MVB12B: variants seen among roughly 807,000 people sequenced by gnomAD.
MVB12B encodes the protein multivesicular body subunit 12B, also known as ESCRT-I complex subunit MVB12B.
MVB12B carries 16 observed loss-of-function variants against 41.6 expected under a neutral mutation model. The ratio of observed to expected loss-of-function variants is 0.38; its 90% CI spans 0.26 to 0.58. MVB12B has a LOEUF of 0.58. Ranked by LOEUF, MVB12B falls within the 20% of genes least tolerant of loss-of-function variation. MVB12B has a pLI of 0.62. For missense variants in MVB12B, 274 were observed against 380.2 expected (o/e 0.72, Z 2.32); for synonymous variants, 133 against 139.7 (o/e 0.95, Z 0.34).
intron 3 of MVB12B, among the ~76,000 whole-genome samples, chr9:126,385,518 G>A (rs538953195): frequency 6.6e-6 from 1 of 152,316 alleles, no homozygotes; most frequent in Non-Finnish European, 1.5e-5. Flanking sequence ...ACAACAGCCT[G>A]AGAAGTTGCT....
rs540559744 is a variant in MVB12B at position 126,478,510 on chromosome 9, G to A, written c.758-2859G>A. On this transcript the variant is annotated intron_variant, in intron 7 of 9. Coordinates refer to ENST00000361171, the MANE Select transcript of MVB12B (RefSeq NM_033446.3). This position sits in a 1 kb window ranked among gnomAD's most constrained non-coding sequence, Gnocchi z 4.2. Reference sequence around the variant, plus strand: ...CTGGCCAGACCCCAGGGAGGACCTCGGGGAAGGCATGCTGCAGGAGAGGCA... The same window carrying A: ...CTGGCCAGACCCCAGGGAGGACCTCAGGGAAGGCATGCTGCAGGAGAGGCA... Among the ~76,000 whole-genome samples the A allele has an allele frequency of 2.2e-4, 33 of 152,282 alleles. 1 individual carries two copies. The East Asian group carries it at 2.9e-3, about 13-fold the overall frequency.
chr9:126,422,583 C>A (rs1832057995), intron 7 of MVB12B, among the ~76,000 whole-genome samples: 1 of 152,084 alleles, frequency 6.6e-6, no homozygotes, highest in African/African-American at 2.4e-5. Flanking sequence ...CCGAGGAAAC[C>A]CACAAACTCG....
rs187834475 is a variant in MVB12B at position 126,498,892 on chromosome 9, T to C, written c.874-4285T>C. On this transcript the variant is annotated intron_variant, in intron 9 of 9. Coordinates refer to ENST00000361171, the MANE Select transcript of MVB12B (RefSeq NM_033446.3). The stretch of plus-strand genomic sequence containing the variant: ...GCAATTAATACTGAAATCACCTGAG[T>C]GTTTTCAAAAAATGCTGGTGTCCCC... Among the ~76,000 whole-genome samples, 37 of 152,212 alleles carry C rather than the reference T, an allele frequency of 2.4e-4. 1 individual carries two copies. In the East Asian group the frequency reaches 4.8e-3, roughly 20 times the overall value.
At position 126,376,412 on chromosome 9, in the gene MVB12B, C is replaced by T. The variant is rs913396598; in HGVS notation, c.205-4652C>T. 1.1e-6 allele frequency: 1 copy of T among 914,190 alleles called. No homozygotes were observed. Among genetic ancestry groups the T allele is most frequent in the Non-Finnish European group, 1.5e-6 (1 of 647,902 alleles). The allele number at this position is 914,190 out of a possible 1,614,324, so 56.6% of individuals were successfully genotyped here. A position where few individuals can be genotyped will look rare whatever the true frequency, so the allele number is the denominator to read the frequency against. The stretch of plus-strand genomic sequence containing the variant: ...GTCATGTCTGAGCCTGTCCCCAGTG[C>T]CTGGTGACCCTTTGTTGTGGGTTGG... On this transcript the variant is annotated intron_variant, in intron 2 of 9. Coordinates refer to ENST00000361171, the MANE Select transcript of MVB12B (RefSeq NM_033446.3). This position sits in a 1 kb window ranked among gnomAD's most constrained non-coding sequence, Gnocchi z 4.1.
intron 2 of MVB12B, among the ~76,000 whole-genome samples, chr9:126,377,396 C>G (rs1005510559): frequency 1.3e-5 from 2 of 152,130 alleles, no homozygotes; most frequent in African/African-American, 4.8e-5. Flanking sequence ...AGCAAACACA[C>G]AAGAGAACCA....
At position 126,483,989 on chromosome 9, in the gene MVB12B, T is replaced by G; in HGVS notation, c.830T>G (p.Leu277Arg). ...TGTTTTCAGATGCAGCCCTTTGATCTCCTGGGAATCACCATCAAATCTCTA... is the reference window on the plus strand; with the variant it reads ...TGTTTTCAGATGCAGCCCTTTGATCGCCTGGGAATCACCATCAAATCTCTA... ...CVPESMQPFD[L>R]LGITIKSLAE... Residue 277 changes from leucine (L) to arginine (R), a missense_variant, in exon 9 of 10, where the codon CTC becomes CGC. Leu to Arg is a moderately radical substitution (Grantham distance 102, BLOSUM62 -2). Transcript: ENST00000361171. 24 of 1,614,106 alleles carry G rather than the reference T, an allele frequency of 1.5e-5. No individual in the cohort carries two copies. The highest frequency in any genetic ancestry group is 1.9e-5 in the Non-Finnish European group (23 of 1,180,018).
rs569986729 is a variant in MVB12B at position 126,392,520 on chromosome 9, C to T, written c.539+325C>T. On this transcript the variant is annotated intron_variant, in intron 5 of 9. Transcript: ENST00000361171. The surrounding 1 kb of genome is among the most constrained non-coding windows in gnomAD (Gnocchi z 4.8). ...TCGTTATTCACCCTAGGAAAGGTCACAGGGACCTATTTTGTACCACGGGGC... is the reference window on the plus strand; with the variant it reads ...TCGTTATTCACCCTAGGAAAGGTCATAGGGACCTATTTTGTACCACGGGGC... Among the ~76,000 whole-genome samples the T allele has an allele frequency of 6.6e-6, 1 of 152,356 alleles. No homozygotes were observed. Among genetic ancestry groups the T allele is most frequent in the South Asian group, 2.1e-4 (1 of 4,830 alleles).
chr9:126,342,284 G>T (rs1174723829), intron 2 of MVB12B, among the ~76,000 whole-genome samples: 1 of 152,164 alleles, frequency 6.6e-6, no homozygotes, highest in Non-Finnish European at 1.5e-5. Context: ...CCAAGGCAGG[G>T]GTCTCCCCAT....
chr9:126,458,716 T>G (rs1286123451), intron 7 of MVB12B, among the ~76,000 whole-genome samples: 1 of 152,166 alleles, frequency 6.6e-6, no homozygotes, highest in Admixed American at 6.5e-5. Context: ...CTTCTTATAC[T>G]TTACTGTGAC....
At chr9:126,346,123 G>C (rs1177514567) in intron 2 of MVB12B, among the ~76,000 whole-genome samples, 2 of 152,144 alleles carry the variant, frequency 1.3e-5, no homozygotes, top group Non-Finnish European at 2.9e-5. Flanking sequence ...GAAAAAAGAG[G>C]CTCTTAGACA....
chr9:126,429,429 G>A (rs1043547400), intron 7 of MVB12B, among the ~76,000 whole-genome samples: 4 of 152,120 alleles, frequency 2.6e-5, no homozygotes, highest in African/African-American at 7.2e-5. Context: ...GCCTTGTTTC[G>A]ATTGATGAAT....
chr9:126,335,433 G>T (rs1304702444), intron 1 of MVB12B: 1 of 1,301,884 alleles, frequency 7.7e-7, no homozygotes, highest in African/African-American at 1.5e-5. Context: ...TTTCTGTAAG[G>T]AGGTGGCTGG....
At chr9:126,475,046 C>T (rs566174403) in intron 7 of MVB12B, among the ~76,000 whole-genome samples, 24 of 152,346 alleles carry the variant, frequency 1.6e-4, no homozygotes, top group African/African-American at 4.3e-4. Flanking sequence ...CTACAGCCGC[C>T]TTCTTTCCTG....
rs773201872 is a variant in MVB12B at position 126,397,557 on chromosome 9, CTGAGT to C, written c.662+1862_662+1866del. 4.0e-5 allele frequency: 39 copies of C among 985,330 alleles called. No homozygotes were observed. The East Asian group carries it at 1.5e-3, about 37-fold the overall frequency. The allele number at this position is 985,330 out of a possible 1,614,324, so 61.0% of individuals were successfully genotyped here. ...CAATATAAAATGTATTCTAATTTGGCTGAGTTAAGTCAGCCAATATGCAACAGGAT... is the reference window on the plus strand; with the variant it reads ...CAATATAAAATGTATTCTAATTTGGCTAAGTCAGCCAATATGCAACAGGAT... On this transcript the variant is annotated intron_variant, in intron 6 of 9. Coordinates refer to ENST00000361171, the MANE Select transcript of MVB12B (RefSeq NM_033446.3).
In MVB12B at chr9:126,503,166, C is replaced by T. The variant is rs1431796282; in HGVS notation, c.874-11C>T. 3.2e-6 allele frequency: 5 copies of T among 1,549,520 alleles called. No homozygotes were observed. Among genetic ancestry groups the T allele is most frequent in the African/African-American group, 1.4e-5 (1 of 73,036 alleles). ...CTGACTGTGTCTCTCTGTCCCCACC[C>T]GCCCCTGCAGTACGAGTACAGCTTC... On this transcript the variant is annotated splice_polypyrimidine_tract_variant and intron_variant, in intron 9 of 9. Coordinates refer to ENST00000361171, the MANE Select transcript of MVB12B (RefSeq NM_033446.3).
chr9:126,357,102 A>T (rs748581396), intron 2 of MVB12B, among the ~76,000 whole-genome samples: 20 of 152,104 alleles, frequency 1.3e-4, no homozygotes, highest in Non-Finnish European at 2.8e-4. Context: ...TCTAGGTTGC[A>T]TTTTCTAGAA....
intron 7 of MVB12B, among the ~76,000 whole-genome samples, chr9:126,453,331 C>G (rs1317144944): frequency 6.6e-6 from 1 of 152,134 alleles, no homozygotes; most frequent in Non-Finnish European, 1.5e-5. Context: ...GTGAAAGGTC[C>G]AGCTGCAAGC....
At chr9:126,460,635 G>A (rs1277981403) in intron 7 of MVB12B, among the ~76,000 whole-genome samples, 1 of 152,076 alleles carries the variant, frequency 6.6e-6, no homozygotes, top group Non-Finnish European at 1.5e-5. Context: ...TCTGGAGAAG[G>A]GAGGGCCAAA....
chr9:126,419,619 A>G, intron 6 of MVB12B, among the ~76,000 whole-genome samples: 1 of 152,128 alleles, frequency 6.6e-6, no homozygotes, highest in East Asian at 1.9e-4. Flanking sequence ...ACAGTCGATA[A>G]TTCACTCTTC....
Sources: allele counts gnomAD v4.1 joint callset (sites outside exome capture counted in the v4.1 genomes callset), GRCh38; gene constraint gnomAD v4.1.1; non-coding constraint Gnocchi (gnomAD v3.1); transcripts MANE v1.5; gene names NCBI Gene and HGNC (gene_info 2026-07-23, HGNC 2026-07-21).